The following ASH1L variants were observed in gnomAD, a reference collection of about 807,000 sequenced individuals.
The protein encoded by ASH1L is ASH1 like histone lysine methyltransferase.
In ASH1L, 23 loss-of-function variants were observed where a neutral mutation model predicts 269.0. The observed-to-expected ratio is 0.09, with a 90% CI of 0.06 to 0.12. The LOEUF (loss-of-function observed/expected upper bound fraction) is 0.12. Among genes scored for constraint, ASH1L ranks in the 10% least tolerant of loss-of-function variants. The probability of loss-of-function intolerance (pLI) is 1.00; values close to 1 mark genes in which losing one functional copy is unlikely to be tolerated. For synonymous variants in ASH1L, 1,187 were observed against 1,253.5 expected, an observed-to-expected ratio of 0.95 and a Z score of 1.12; for missense variants, 2,912 against 3,567.8, an observed-to-expected ratio of 0.82 and a Z score of 4.68.
At chr1:155,524,089 T>G (rs956578288) in intron 1 of ASH1L, among the ~76,000 whole-genome samples, 1 of 152,172 alleles carries the variant, frequency 6.6e-6, no homozygotes, top group African/African-American at 2.4e-5. Flanking sequence ...AACCTCACTC[T>G]CCTCTAACTA....
chr1:155,471,891 T>C (rs932943362), intron 3 of ASH1L, among the ~76,000 whole-genome samples: 35 of 152,230 alleles, frequency 2.3e-4, no homozygotes, highest in Non-Finnish European at 1.6e-4. Flanking sequence ...AGGTAATTTG[T>C]ATTCAGAATT....
At chr1:155,512,722 G>A (rs1237998000) in intron 2 of ASH1L, among the ~76,000 whole-genome samples, 2 of 151,680 alleles carry the variant, frequency 1.3e-5, no homozygotes, top group African/African-American at 2.4e-5. Flanking sequence ...AAAGTGCTGC[G>A]ATTAGTCTTA....
At chr1:155,562,862 C>T (rs1558230793), upstream of ASH1L, 2 of 469,952 alleles carry the variant, frequency 4.3e-6, no homozygotes, top group South Asian at 3.1e-5. Flanking sequence ...CCCCCACGGC[C>T]ACCAACCGCC....
chr1:155,404,573 G>A (rs1659109066), intron 6 of ASH1L, among the ~76,000 whole-genome samples: 1 of 152,012 alleles, frequency 6.6e-6, no homozygotes, highest in African/African-American at 2.4e-5. Flanking sequence ...GCAAAGTCAA[G>A]ACACACATGA....
At chr1:155,445,308 C>T (rs1226295189) in intron 4 of ASH1L, among the ~76,000 whole-genome samples, 2 of 151,988 alleles carry the variant, frequency 1.3e-5, no homozygotes, top group Non-Finnish European at 2.9e-5. Context: ...CTCAGCCTCC[C>T]GAGTAGCTGG....
At chr1:155,388,598 G>A (rs932749127) in intron 7 of ASH1L, among the ~76,000 whole-genome samples, 48 of 148,622 alleles carry the variant, frequency 3.2e-4, no homozygotes, top group Non-Finnish European at 6.1e-4. Flanking sequence ...TTGAGCCACT[G>A]GGCCTGGCTG....
intron 1 of ASH1L, among the ~76,000 whole-genome samples, chr1:155,559,614 TTA>T (rs1305200078): frequency 6.6e-6 from 1 of 152,084 alleles, no homozygotes; most frequent in East Asian, 1.9e-4. Context: ...TATAAACACT[TTA>T]TGCTTATTCA....
At chr1:155,346,868 G>T (rs1302535663) in intron 20 of ASH1L, among the ~76,000 whole-genome samples, 2 of 152,132 alleles carry the variant, frequency 1.3e-5, no homozygotes, top group African/African-American at 4.8e-5. Context: ...GTTACTTACA[G>T]CCACTTTACA....
chr1:155,396,988 G>A (rs1163102188), intron 6 of ASH1L: 1 of 151,010 alleles, frequency 6.6e-6, no homozygotes, highest in Non-Finnish European at 1.5e-5. Flanking sequence ...AGCTGGGTGT[G>A]GTAGTGCATG....
At chr1:155,417,491 G>A (rs1660311333) in intron 5 of ASH1L, among the ~76,000 whole-genome samples, 1 of 152,124 alleles carries the variant, frequency 6.6e-6, no homozygotes, top group African/African-American at 2.4e-5. Context: ...GGCTGAACAA[G>A]GAACTACCAG....
intron 10 of ASH1L, among the ~76,000 whole-genome samples, chr1:155,374,038 A>C (rs1656212541): frequency 6.6e-6 from 1 of 152,168 alleles, no homozygotes; most frequent in African/African-American, 2.4e-5. Flanking sequence ...TTATAATAAT[A>C]ATTTTAAAGG....
intron 5 of ASH1L, among the ~76,000 whole-genome samples, chr1:155,427,639 A>G (rs998227913): frequency 2.7e-5 from 4 of 148,424 alleles, no homozygotes; most frequent in Non-Finnish European, 6.0e-5. Context: ...GGTGTTCACT[A>G]TGTTGGCCAG....
intron 2 of ASH1L, among the ~76,000 whole-genome samples, chr1:155,503,204 C>G (rs781706735): frequency 6.6e-6 from 1 of 152,208 alleles, no homozygotes; most frequent in Non-Finnish European, 1.5e-5. Flanking sequence ...GAGTTACTAT[C>G]AAATCCTACA....
chr1:155,352,612 C>G, intron 17 of ASH1L, 94 bp downstream of exon 17: 1 of 1,312,046 alleles, frequency 7.6e-7, no homozygotes, highest in Admixed American at 3.1e-5. Flanking sequence ...TGAGACTAGC[C>G]TGGGCAATAT....
chr1:155,514,161 A>C (rs1368114173), intron 2 of ASH1L, among the ~76,000 whole-genome samples: 1 of 152,212 alleles, frequency 6.6e-6, no homozygotes, highest in East Asian at 1.9e-4. Flanking sequence ...ATGAAGAGTT[A>C]ATAGAGTGTC....
chr1:155,559,325 C>T (rs1250487360), intron 1 of ASH1L, among the ~76,000 whole-genome samples: 1 of 152,044 alleles, frequency 6.6e-6, no homozygotes, highest in African/African-American at 2.4e-5. Flanking sequence ...GATCATCTGT[C>T]AGGAGTTCCA....
chr1:155,434,320 A>C, intron 5 of ASH1L: 3 of 1,555,668 alleles, frequency 1.9e-6, no homozygotes, highest in Non-Finnish European at 2.6e-6. Context: ...GGGAAAGAGA[A>C]CCTGGAGTTT....
intron 7 of ASH1L, among the ~76,000 whole-genome samples, chr1:155,385,996 A>C (rs1232351289): frequency 1.3e-5 from 2 of 151,900 alleles, no homozygotes; most frequent in African/African-American, 4.8e-5. Context: ...ACACCATGGC[A>C]GTGGAGGGAG....
intron 12 of ASH1L, among the ~76,000 whole-genome samples, chr1:155,361,742 G>A (rs1414169902): frequency 2.0e-5 from 3 of 149,844 alleles, no homozygotes; most frequent in Non-Finnish European, 4.5e-5. Flanking sequence ...GTGTGGTGGC[G>A]CATGTCTGCA....
Sources: gnomAD v4.1 joint callset for allele counts (sites outside exome capture counted in the v4.1 genomes callset) on GRCh38, gnomAD v4.1.1 for gene constraint, MANE v1.5 for transcripts, NCBI Gene and HGNC (gene_info 2026-07-23, HGNC 2026-07-21) for gene names.